TSPAN18: variants seen among roughly 807,000 people sequenced by gnomAD.
TSPAN18 encodes tetraspanin 18.
Under a neutral mutation model 27.3 loss-of-function variants are expected in TSPAN18, and 14 were observed. The observed-to-expected ratio is 0.51, with a 90% CI of 0.34 to 0.80. The LOEUF is 0.80. Ranked by LOEUF, TSPAN18 falls within the 30% of genes least tolerant of loss-of-function variation. The pLI is 0.01. For missense variants in TSPAN18, 268 were observed against 323.9 expected (o/e 0.83, Z 1.32); for synonymous variants, 143 against 136.5 (o/e 1.05, Z -0.33).
At chr11:44,889,512 C>T (rs1289987940) in intron 3 of TSPAN18, among the ~76,000 whole-genome samples, 1 of 152,258 alleles carries the variant, frequency 6.6e-6, no homozygotes, top group East Asian at 1.9e-4. Context: ...CACAGGCTGG[C>T]TGGCCCCAGC....
At chr11:44,776,641 G>T (rs1249758113) in intron 2 of TSPAN18, among the ~76,000 whole-genome samples, 2 of 152,188 alleles carry the variant, frequency 1.3e-5, no homozygotes, top group African/African-American at 4.8e-5. Context: ...AGAACTTGCA[G>T]CTGGAATGTC....
At chr11:44,928,678 C>T (rs952681004) in intron 9 of TSPAN18, among the ~76,000 whole-genome samples, 13 of 152,116 alleles carry the variant, frequency 8.5e-5, no homozygotes, top group Non-Finnish European at 1.2e-4. Context: ...CCCAGCTACT[C>T]AGGAGGCTGA....
chr11:44,842,987 G>A (rs1035135490), intron 2 of TSPAN18, among the ~76,000 whole-genome samples: 1 of 150,294 alleles, frequency 6.7e-6, no homozygotes, highest in African/African-American at 2.5e-5. Flanking sequence ...TCAAGCAATT[G>A]TGCCTATTCT....
intron 5 of TSPAN18, 59 bp from the exon 6 acceptor site, chr11:44,917,913 G>T: frequency 4.5e-6 from 7 of 1,551,288 alleles, no homozygotes; most frequent in Non-Finnish European, 6.2e-6. Context: ...GCATTGGCCA[G>T]TGGCCGCCCC....
At chr11:44,823,351 A>C (rs1049092160) in intron 2 of TSPAN18, among the ~76,000 whole-genome samples, 5 of 152,188 alleles carry the variant, frequency 3.3e-5, no homozygotes, top group African/African-American at 1.2e-4. Context: ...TGAACAATGG[A>C]ACAGCTCTAG....
chr11:44,751,997 G>GT (rs1450568338), intron 1 of TSPAN18, among the ~76,000 whole-genome samples: 1 of 151,820 alleles, frequency 6.6e-6, no homozygotes, highest in Non-Finnish European at 1.5e-5. Flanking sequence ...TTTCTTCCCA[G>GT]TTTTTTCCCT....
intron 2 of TSPAN18, among the ~76,000 whole-genome samples, chr11:44,821,932 C>T (rs1316093257): frequency 6.6e-6 from 1 of 152,162 alleles, no homozygotes. Flanking sequence ...ACTGCAATCT[C>T]GACTGTCGTG....
intron 3 of TSPAN18, among the ~76,000 whole-genome samples, chr11:44,867,687 C>A (rs1050620496): frequency 6.6e-6 from 1 of 152,110 alleles, no homozygotes; most frequent in Non-Finnish European, 1.5e-5. Context: ...GTACGAGCCA[C>A]CACACCCGGC....
chr11:44,895,517 C>CACTGGGCAGGTGTCA (rs1156471223), intron 3 of TSPAN18, among the ~76,000 whole-genome samples: 1 of 152,166 alleles, frequency 6.6e-6, no homozygotes, highest in Non-Finnish European at 1.5e-5. Context: ...ACTGGGCTGT[C>CACTGGGCAGGTGTCA]CTCTTCCAGG....
At chr11:44,855,852 T>C (rs1857723586) in intron 2 of TSPAN18, among the ~76,000 whole-genome samples, 2 of 146,202 alleles carry the variant, frequency 1.4e-5, no homozygotes, top group South Asian at 4.5e-4. Flanking sequence ...TTCCATTGCC[T>C]GGGCTTCTTG....
At chr11:44,880,395 G>T (rs1351627529) in intron 3 of TSPAN18, among the ~76,000 whole-genome samples, 3 of 102,228 alleles carry the variant, frequency 2.9e-5, no homozygotes, top group Admixed American at 9.5e-5. Context: ...CCTGGTGAAG[G>T]GGTGTCACCT....
chr11:44,870,415 G>A (rs1240842949), intron 3 of TSPAN18, among the ~76,000 whole-genome samples: 1 of 152,230 alleles, frequency 6.6e-6, no homozygotes, highest in Non-Finnish European at 1.5e-5. Flanking sequence ...TAAGGCCAAG[G>A]CAGAAGTGTG....
At chr11:44,812,962 G>A (rs1856749219) in intron 2 of TSPAN18, among the ~76,000 whole-genome samples, 1 of 152,242 alleles carries the variant, frequency 6.6e-6, no homozygotes, top group South Asian at 2.1e-4. Context: ...AGGGAGCAAA[G>A]CCCTGTGTCT....
At chr11:44,823,434 C>T (rs1856970278) in intron 2 of TSPAN18, among the ~76,000 whole-genome samples, 2 of 152,174 alleles carry the variant, frequency 1.3e-5, no homozygotes, top group East Asian at 1.9e-4. Context: ...TGGCTGGGTC[C>T]AGGGCTTTTT....
chr11:44,829,827 C>A (rs1857119344), intron 2 of TSPAN18, among the ~76,000 whole-genome samples: 1 of 152,126 alleles, frequency 6.6e-6, no homozygotes, highest in Non-Finnish European at 1.5e-5. Flanking sequence ...ACATCCATGC[C>A]AGCATTTGGT....
At chr11:44,830,511 T>C (rs1447201281) in intron 2 of TSPAN18, among the ~76,000 whole-genome samples, 3 of 152,280 alleles carry the variant, frequency 2.0e-5, no homozygotes, top group East Asian at 3.9e-4. Flanking sequence ...GAAATATTTA[T>C]TGAGCATTGG....
At chr11:44,772,807 T>A (rs1855717998) in intron 2 of TSPAN18, among the ~76,000 whole-genome samples, 1 of 152,040 alleles carries the variant, frequency 6.6e-6, no homozygotes, top group Admixed American at 6.5e-5. Context: ...TACAGACATG[T>A]GCCACCACGC....
At chr11:44,857,284 G>A (rs7108534) in intron 2 of TSPAN18, among the ~76,000 whole-genome samples, 29,697 of 152,156 alleles carry the variant, frequency 0.2, 3,247 homozygotes, top group South Asian at 0.37. Context: ...CTTGACCTAC[G>A]ACAGGCATCT....
At position 44,730,151 on chromosome 11, in the gene TSPAN18, G is replaced by A. The variant is rs182178377; in HGVS notation, c.-240+2864G>A. On this transcript the variant is annotated intron_variant, in intron 1 of 9. Coordinates refer to ENST00000520358, the MANE Select transcript of TSPAN18 (RefSeq NM_130783.5). ...CCTGTACACAGCAAAATCCTGCGTT[G>A]AGTGAATGCAGCAGCTTCAGAAACC... Among the ~76,000 whole-genome samples, 3 of 152,276 alleles carry A rather than the reference G, an allele frequency of 2.0e-5. No individual in the cohort carries two copies. The East Asian group carries it at 5.8e-4, about 29-fold the overall frequency.
Sources: gnomAD v4.1 joint callset for allele counts (sites outside exome capture counted in the v4.1 genomes callset) on GRCh38, gnomAD v4.1.1 for gene constraint, MANE v1.5 for transcripts, NCBI Gene and HGNC (gene_info 2026-07-23, HGNC 2026-07-21) for gene names.